Variants in MAPK10 observed in about 807,000 individuals in gnomAD.
MAPK10 encodes JNK3 alpha protein kinase.
In MAPK10, 25 loss-of-function variants were observed where a neutral mutation model predicts 59.3. The ratio of observed to expected loss-of-function variants is 0.42; its 90% CI spans 0.31 to 0.59. The LOEUF is 0.59. Ranked by LOEUF, MAPK10 falls within the 20% of genes least tolerant of loss-of-function variation. The probability of loss-of-function intolerance (pLI) is 0.15; values close to 1 mark genes in which losing one functional copy is unlikely to be tolerated. For synonymous variants in MAPK10, 190 were observed against 200.5 expected, an observed-to-expected ratio of 0.95 and a Z score of 0.44; for missense variants, 351 against 568.9, an observed-to-expected ratio of 0.62 and a Z score of 3.90.
chr4:86,077,524 T>C (rs2049752988), intron 9 of MAPK10, among the ~76,000 whole-genome samples: 1 of 152,214 alleles, frequency 6.6e-6, no homozygotes, highest in Non-Finnish European at 1.5e-5. Flanking sequence ...CATAAGGAAC[T>C]ATTTAATGGC....
chr4:86,091,541 T>G (rs1269439234), intron 9 of MAPK10: 1 of 143,322 alleles, frequency 7.0e-6, no homozygotes, highest in Non-Finnish European at 1.5e-5. Context: ...CCTTGATTTT[T>G]TTTTTTTTTT....
intron 4 of MAPK10, among the ~76,000 whole-genome samples, chr4:86,108,811 C>T (rs1475993594): frequency 6.6e-6 from 1 of 152,172 alleles, no homozygotes; most frequent in African/African-American, 2.4e-5. Context: ...CATTATTAAC[C>T]ATAATATATG....
chr4:86,514,275 A>G (rs1023953057), intron 1 of MAPK10, among the ~76,000 whole-genome samples: 1 of 152,224 alleles, frequency 6.6e-6, no homozygotes, highest in African/African-American at 2.4e-5. Context: ...CACAAAAAAT[A>G]CTTTTGTAAG....
chr4:86,028,443 C>A (rs1578770774), intron 13 of MAPK10: 1 of 152,082 alleles, frequency 6.6e-6, no homozygotes, highest in African/African-American at 2.4e-5. Context: ...CATTCTACAT[C>A]TTTTTTCCTA....
intron 9 of MAPK10, among the ~76,000 whole-genome samples, chr4:86,074,576 T>G (rs1340620419): frequency 1.5e-4 from 19 of 124,452 alleles, no homozygotes; most frequent in Admixed American, 1.5e-4. Flanking sequence ...GGAGCTCTTT[T>G]AGGGCAGGCC....
At chr4:86,498,398 C>T (rs1755052371) in intron 1 of MAPK10, among the ~76,000 whole-genome samples, 1 of 152,108 alleles carries the variant, frequency 6.6e-6, no homozygotes, top group Non-Finnish European at 1.5e-5. Context: ...TTATCTAACT[C>T]TAGTTATATG....
chr4:86,136,395 A>G (rs1245688383), intron 4 of MAPK10, among the ~76,000 whole-genome samples: 1 of 152,112 alleles, frequency 6.6e-6, no homozygotes, highest in African/African-American at 2.4e-5. Flanking sequence ...ATTCTTAAAG[A>G]AAAGAATTTT....
At chr4:86,102,200 G>C (rs747708610) in intron 6 of MAPK10, 168 bp from the exon 7 acceptor site, 1 of 540,272 alleles carries the variant, frequency 1.9e-6, no homozygotes, top group Non-Finnish European at 3.3e-6. Context: ...TTAGCTATAC[G>C]AACCCTACCA....
intron 1 of MAPK10, among the ~76,000 whole-genome samples, chr4:86,544,588 G>A (rs6847139): frequency 0.32 from 47,941 of 151,982 alleles, 7,797 homozygotes; most frequent in Admixed American, 0.36. Flanking sequence ...CACCAAAATC[G>A]GTGAGCAATA....
intron 1 of MAPK10, among the ~76,000 whole-genome samples, chr4:86,488,093 T>C (rs1360299384): frequency 1.3e-5 from 2 of 152,080 alleles, no homozygotes; most frequent in Non-Finnish European, 2.9e-5. Context: ...CCACTTGCCG[T>C]CTTAATTCAA....
intron 2 of MAPK10, among the ~76,000 whole-genome samples, chr4:86,219,414 G>A (rs1563234619): frequency 6.6e-6 from 1 of 152,146 alleles, no homozygotes; most frequent in Non-Finnish European, 1.5e-5. Flanking sequence ...GGAAGAAAAG[G>A]AGGATATTTG....
intron 1 of MAPK10, among the ~76,000 whole-genome samples, chr4:86,585,247 T>A (rs1159062228): frequency 6.6e-6 from 1 of 152,164 alleles, no homozygotes; most frequent in Admixed American, 6.5e-5. Flanking sequence ...GCAGTAGTAA[T>A]CTCTCTTCAT....
chr4:86,235,367 G>A (rs2092110178), intron 2 of MAPK10, among the ~76,000 whole-genome samples: 1 of 152,178 alleles, frequency 6.6e-6, no homozygotes, highest in Non-Finnish European at 1.5e-5. Flanking sequence ...CTCTAGAAGG[G>A]TGAGAGGACA....
chr4:86,226,851 C>A (rs1200718276), intron 2 of MAPK10, among the ~76,000 whole-genome samples: 4 of 152,192 alleles, frequency 2.6e-5, no homozygotes, highest in African/African-American at 9.7e-5. Context: ...TCTGACATAG[C>A]TGTCCCTGAG....
chr4:86,035,306 G>T (rs1391979663), intron 11 of MAPK10, among the ~76,000 whole-genome samples: 1 of 147,508 alleles, frequency 6.8e-6, no homozygotes, highest in Admixed American at 6.8e-5. Flanking sequence ...GGGAGGTGGA[G>T]GTTGCAGTGA....
chr4:86,065,125 G>A (rs1355863540), intron 10 of MAPK10: 1 of 134,784 alleles, frequency 7.4e-6, no homozygotes, highest in Non-Finnish European at 1.6e-5. Context: ...CATTGCCCAA[G>A]CTGGTCTCGA....
rs573101851 is a variant in MAPK10, at chr4:86,471,786, T to TC, written c.-262-117143dup. Among the ~76,000 whole-genome samples the TC allele has an allele frequency of 3.5e-3, 530 of 152,312 alleles. 3 individuals are homozygous for TC. Among genetic ancestry groups the TC allele is most frequent in the Middle Eastern group, 0.017 (5 of 294 alleles). On this transcript the variant is annotated intron_variant, in intron 1 of 4. Coordinates refer to the MAPK10 transcript ENST00000502302. ...GCATCTGCTATGTTTTCCTTTTTTT[T>TC]CAACAAAGAGAAACCCAGGTGATTT...
rs145741615 is a variant in MAPK10 at position 86,083,923 on chromosome 4, C to T, written c.802+14601G>A. ...AGGCCTCCCTTCCAGGCCCCAGTTC[C>T]CAGATGATATTTCTAGACACACCCT... On this transcript the variant is annotated intron_variant, in intron 9 of 13. Transcript: ENST00000641462. Among the ~76,000 whole-genome samples the T allele has an allele frequency of 1.6e-3, 238 of 152,250 alleles. 2 individuals are homozygous for T. The highest frequency in any genetic ancestry group is 5.4e-3 in the African/African-American group (226 of 41,556).
chr4:86,485,672 T>C (rs1753931937), intron 1 of MAPK10, among the ~76,000 whole-genome samples: 1 of 152,224 alleles, frequency 6.6e-6, no homozygotes, highest in Middle Eastern at 3.2e-3. Context: ...GACTGAACTG[T>C]GCCATTGCAA....
Sources: gnomAD v4.1 joint callset for allele counts (sites outside exome capture counted in the v4.1 genomes callset) on GRCh38, gnomAD v4.1.1 for gene constraint, MANE v1.5 for transcripts, NCBI Gene and HGNC (gene_info 2026-07-23, HGNC 2026-07-21) for gene names.